The following SCN11A variants were observed in gnomAD, a reference collection of about 807,000 sequenced individuals.
SCN11A encodes sodium voltage-gated channel alpha subunit 11.
A neutral mutation model predicts 162.2 loss-of-function variants in SCN11A; 122 were observed. That is an observed-to-expected ratio of 0.75 (90% CI 0.65 to 0.87). The LOEUF (loss-of-function observed/expected upper bound fraction) is 0.87, where lower values mean the gene tolerates loss of function less well. Ranked by LOEUF, SCN11A falls within the 40% of genes least tolerant of loss-of-function variation. The pLI, the probability that SCN11A is intolerant of heterozygous loss-of-function variation, is 0.00. For missense variants in SCN11A, 2,015 were observed against 2,181.6 expected, an observed-to-expected ratio of 0.92 and a Z score of 1.52; for synonymous variants, 758 against 751.5, an observed-to-expected ratio of 1.01 and a Z score of -0.14.
intron 19 of SCN11A, among the ~76,000 whole-genome samples, chr3:38,889,251 C>T (rs1218777380): frequency 6.6e-6 from 1 of 151,650 alleles, no homozygotes; most frequent in Non-Finnish European, 1.5e-5. Flanking sequence ...TATGGTGAAA[C>T]CCCATCTCTA....
chr3:38,855,978 T>G (rs1028873520), intron 28 of SCN11A, among the ~76,000 whole-genome samples: 1 of 152,140 alleles, frequency 6.6e-6, no homozygotes, highest in Non-Finnish European at 1.5e-5. Context: ...AATACTGCAG[T>G]CTGGCTTTCA....
chr3:38,899,997 C>T lies in SCN11A; in HGVS notation c.1919G>A (p.Gly640Asp). 5.0e-6 allele frequency: 8 copies of T among 1,614,116 alleles called. No homozygotes were observed. The highest frequency in any genetic ancestry group is 6.8e-6 in the Non-Finnish European group (8 of 1,180,004). Reference protein sequence around the residue: ...ALDPYHYFRRGWNIFDSIVAL... With the variant: ...ALDPYHYFRRDWNIFDSIVAL... ...AACAATGCTGTCAAAAATGTTCCAG[C>T]CTCGGCGAAAGTAGTGGTAGGGATC... The change falls in exon 17 of 30, where the codon GGC (glycine) becomes GAC (aspartate). Residue 640 changes from glycine to aspartate, a missense_variant. Physicochemically the swap from Gly to Asp is moderately conservative, Grantham distance 94 (BLOSUM62 -1). Transcript: ENST00000302328.
At chr3:38,988,813 T>C (rs1012539975) in intron 2 of SCN11A, among the ~76,000 whole-genome samples, 5 of 152,194 alleles carry the variant, frequency 3.3e-5, no homozygotes, top group African/African-American at 1.2e-4. Flanking sequence ...ACATAGCTAG[T>C]GAGTGGCAAA....
chr3:38,914,978 T>A (rs375362793), intron 11 of SCN11A, among the ~76,000 whole-genome samples: 9 of 152,268 alleles, frequency 5.9e-5, no homozygotes, highest in African/African-American at 1.7e-4. Context: ...ATCAGGACGA[T>A]GGTGGTCTCA....
intron 28 of SCN11A, among the ~76,000 whole-genome samples, chr3:38,856,622 C>T (rs1455316373): frequency 6.6e-6 from 1 of 152,138 alleles, no homozygotes; most frequent in Non-Finnish European, 1.5e-5. Flanking sequence ...TTACATTTAC[C>T]CACCTGCCTT....
At chr3:38,945,015 C>T (rs993175867) in intron 7 of SCN11A, among the ~76,000 whole-genome samples, 6 of 152,018 alleles carry the variant, frequency 3.9e-5, no homozygotes, top group Admixed American at 3.9e-4. Flanking sequence ...GCATAGTGAA[C>T]TCCCATAACA....
chr3:38,912,063 G>A (rs997592714), intron 11 of SCN11A, among the ~76,000 whole-genome samples: 3 of 152,164 alleles, frequency 2.0e-5, no homozygotes, highest in African/African-American at 7.2e-5. Context: ...GGTAGGTTTT[G>A]CTTTAGGTTG....
At chr3:39,046,782 G>A (rs73064295) in intron 1 of SCN11A, among the ~76,000 whole-genome samples, 15,799 of 152,142 alleles carry the variant, frequency 0.1, 1,046 homozygotes, top group East Asian at 0.22. Flanking sequence ...GTGCAATGAT[G>A]TGATCTCTGC....
At chr3:38,870,887 A>C in intron 25 of SCN11A, 143 bp from the exon 26 acceptor site, 1 of 642,422 alleles carries the variant, frequency 1.6e-6, no homozygotes, top group Non-Finnish European at 2.8e-6. Flanking sequence ...GCTCAAATAA[A>C]AGAACAGTAG....
chr3:39,041,901 T>C (rs1176767994), intron 1 of SCN11A, among the ~76,000 whole-genome samples: 1 of 152,150 alleles, frequency 6.6e-6, no homozygotes, highest in Admixed American at 6.5e-5. Context: ...AAATATCATA[T>C]TTCAATAATA....
intron 17 of SCN11A, 51 bp from the exon 18 acceptor site, chr3:38,897,276 A>T: frequency 6.5e-7 from 1 of 1,532,766 alleles, no homozygotes; most frequent in Non-Finnish European, 8.8e-7. Flanking sequence ...GTTAAGGACA[A>T]ACTCCATCTG....
At chr3:39,002,812 T>C (rs1680957112) in intron 2 of SCN11A, among the ~76,000 whole-genome samples, 1 of 152,206 alleles carries the variant, frequency 6.6e-6, no homozygotes, top group Non-Finnish European at 1.5e-5. Context: ...AAGAGAAACA[T>C]ACTTGCGTTA....
At chr3:38,926,396 T>G (rs2066141157) in intron 8 of SCN11A, among the ~76,000 whole-genome samples, 1 of 152,204 alleles carries the variant, frequency 6.6e-6, no homozygotes, top group African/African-American at 2.4e-5. Context: ...GTATAGCCCC[T>G]ATCCTGGTAC....
intron 17 of SCN11A, among the ~76,000 whole-genome samples, chr3:38,899,644 T>C (rs1018495504): frequency 3.3e-5 from 5 of 152,128 alleles, no homozygotes; most frequent in Non-Finnish European, 5.9e-5. Flanking sequence ...AGACACAATT[T>C]TGTACCCAGT....
intron 7 of SCN11A, among the ~76,000 whole-genome samples, chr3:38,937,471 C>A (rs2066354487): frequency 6.6e-6 from 1 of 151,132 alleles, no homozygotes; most frequent in South Asian, 2.1e-4. Flanking sequence ...GCAACCTACT[C>A]ATCTGACAAA....
chr3:38,919,872 C>A, intron 11 of SCN11A, 63 bp downstream of exon 11: 1 of 1,196,788 alleles, frequency 8.4e-7, no homozygotes, highest in South Asian at 1.2e-5. Flanking sequence ...GACTGTTTGC[C>A]ACACCATTCT....
intron 7 of SCN11A, among the ~76,000 whole-genome samples, chr3:38,936,986 A>G (rs1487906968): frequency 6.6e-6 from 1 of 152,100 alleles, no homozygotes; most frequent in Non-Finnish European, 1.5e-5. Flanking sequence ...ACAAGGCTAC[A>G]GTAACCAAAA....
chr3:38,874,945 T>C (rs1041579580), intron 23 of SCN11A, among the ~76,000 whole-genome samples: 12 of 152,222 alleles, frequency 7.9e-5, no homozygotes, highest in African/African-American at 2.7e-4. Flanking sequence ...ATAAAAATTA[T>C]GATGGTAATT....
chr3:38,899,850 C>A (rs930002791), intron 17 of SCN11A, 44 bp downstream of exon 17: 2 of 1,542,410 alleles, frequency 1.3e-6, no homozygotes, highest in Non-Finnish European at 1.8e-6. Flanking sequence ...GTTTTTTCCA[C>A]TTAGGCAGCT....
Sources: allele counts gnomAD v4.1 joint callset (sites outside exome capture counted in the v4.1 genomes callset), GRCh38; gene constraint gnomAD v4.1.1; transcripts MANE v1.5; gene names NCBI Gene and HGNC (gene_info 2026-07-23, HGNC 2026-07-21).